The following WDFY4 variants were observed in gnomAD, a reference collection of about 807,000 sequenced individuals.
WDFY4 encodes the protein WD repeat- and FYVE domain-containing protein 4.
In WDFY4, 169 loss-of-function variants were observed where a neutral mutation model predicts 351.9. The observed-to-expected ratio is 0.48, with a 90% CI of 0.42 to 0.55. The LOEUF is 0.55. Ranked by LOEUF, WDFY4 falls within the 20% of genes least tolerant of loss-of-function variation. The pLI is 0.00. For missense variants in WDFY4, 3,803 were observed against 3,935.6 expected (o/e 0.97, Z 0.90); for synonymous variants, 1,622 against 1,574.6 (o/e 1.03, Z -0.71).
intron 39 of WDFY4, among the ~76,000 whole-genome samples, chr10:48,836,529 A>G (rs919562912): frequency 6.6e-6 from 1 of 152,246 alleles, no homozygotes; most frequent in African/African-American, 2.4e-5. Context: ...TGATAGCCCT[A>G]TAGCACTGAT....
At chr10:48,881,166 C>G (rs893922793) in intron 43 of WDFY4, among the ~76,000 whole-genome samples, 2 of 152,190 alleles carry the variant, frequency 1.3e-5, no homozygotes, top group African/African-American at 4.8e-5. Flanking sequence ...TGTTACTGCT[C>G]TGGCTGTTGC....
Position 48,914,837 on chromosome 10 carries a change from C to T in WDFY4, c.7586+12974C>T, listed in dbSNP as rs377754925. ...CAGGGTGTGCCATTGCTGGGCCCAG[C>T]AGCACCATAACTCCCCATCATGAGC... On this transcript the variant is annotated intron_variant, in intron 47 of 61. Transcript: ENST00000325239. 9.2e-5 allele frequency among the ~76,000 whole-genome samples: 14 copies of T among 152,314 alleles called. No individual in the cohort carries two copies. The East Asian group carries it at 9.6e-4, about 10-fold the overall frequency.
Position 48,743,297 on chromosome 10 carries a change from C to T in WDFY4, c.2208C>T (p.Asp736=), listed in dbSNP as rs1305971659. 7 of 1,551,704 alleles carry T rather than the reference C, an allele frequency of 4.5e-6. No individual in the cohort carries two copies. The highest frequency in any genetic ancestry group is 2.0e-5 in the Admixed American group (1 of 51,008). The change falls in exon 12 of 62, where the codon GAC becomes GAT. Residue 736 remains aspartate, a synonymous_variant. Transcript: ENST00000325239. ...GCAACCTGCTGCGCTCTTGGGTGGA[C>T]ACAAAGGCCAGGCCATTTGCAGATT... The part of the protein sequence containing the change: ...EEGNLLRSWV[D]TKARPFADLL...
intron 39 of WDFY4, among the ~76,000 whole-genome samples, chr10:48,855,054 CA>C (rs201390526): frequency 9.3e-5 from 14 of 151,246 alleles, no homozygotes; most frequent in African/African-American, 2.9e-4. Flanking sequence ...AAATTGCAAA[CA>C]AAAAAAATGA....
intron 46 of WDFY4, among the ~76,000 whole-genome samples, chr10:48,901,203 TCATGCGGTTCTTC>T (rs1837334358): frequency 6.6e-6 from 1 of 152,258 alleles, no homozygotes; most frequent in Non-Finnish European, 1.5e-5. Flanking sequence ...GTGAGCCTGC[TCATGCGGTTCTTC>T]CATGCTGCTG....
chr10:48,777,317 G>A (rs922179401), intron 16 of WDFY4, 102 bp from the exon 17 acceptor site: 18 of 1,127,354 alleles, frequency 1.6e-5, no homozygotes, highest in Middle Eastern at 5.4e-4. Flanking sequence ...TTACAGTGCC[G>A]GCAGGAGGGT....
intron 37 of WDFY4, 28 bp from the exon 38 acceptor site, chr10:48,830,672 T>G: frequency 6.5e-6 from 10 of 1,543,772 alleles, no homozygotes; most frequent in Non-Finnish European, 8.8e-6. Flanking sequence ...GAGGCCATCC[T>G]GAGTGTGCCA....
At chr10:48,754,537 A>T (rs549376994) in intron 12 of WDFY4, among the ~76,000 whole-genome samples, 2 of 151,480 alleles carry the variant, frequency 1.3e-5, no homozygotes, top group Non-Finnish European at 1.5e-5. Flanking sequence ...TTTTTTTCTC[A>T]ATAGCACTTA....
intron 47 of WDFY4, chr10:48,910,391 G>T: frequency 2.6e-6 from 2 of 767,432 alleles, no homozygotes; most frequent in Non-Finnish European, 2.3e-6. Flanking sequence ...GTGAATGGGG[G>T]TTTTGTTGTA....
At chr10:48,961,035 T>C (rs1363648865) in intron 53 of WDFY4, among the ~76,000 whole-genome samples, 4 of 152,246 alleles carry the variant, frequency 2.6e-5, no homozygotes, top group African/African-American at 7.2e-5. Flanking sequence ...ATAAAAACAC[T>C]TTGAACTGGG....
At chr10:48,955,260 A>G (rs1841530305) in intron 51 of WDFY4, among the ~76,000 whole-genome samples, 1 of 152,268 alleles carries the variant, frequency 6.6e-6, no homozygotes, top group Non-Finnish European at 1.5e-5. Context: ...AACCAAGAGC[A>G]AAGCGACCTT....
intron 51 of WDFY4, among the ~76,000 whole-genome samples, chr10:48,950,704 G>A (rs926020852): frequency 6.6e-6 from 1 of 152,250 alleles, no homozygotes; most frequent in Non-Finnish European, 1.5e-5. Flanking sequence ...AGAGGAAAGG[G>A]ACATGTGCCA....
intron 24 of WDFY4, chr10:48,802,875 T>A: frequency 2.1e-6 from 1 of 480,872 alleles, no homozygotes; most frequent in Admixed American, 2.3e-5. Context: ...GTGGAGACTG[T>A]CACTCAGCTG....
chr10:48,766,308 G>A (rs1415349446), intron 13 of WDFY4, among the ~76,000 whole-genome samples: 5 of 152,144 alleles, frequency 3.3e-5, no homozygotes, highest in Non-Finnish European at 7.4e-5. Context: ...AGAGCAAATA[G>A]GGCCAGTTAT....
Position 48,826,821 on chromosome 10 carries a change from C to T in WDFY4, c.6133C>T (p.His2045Tyr). Reference protein sequence around the residue: ...LLSILGFLQEHWDVVFATYNS... With the variant: ...LLSILGFLQEYWDVVFATYNS... Reference sequence around the variant, plus strand: ...CAGCATCCTGGGCTTTCTGCAGGAGCACTGGGATGTTGTCTTTGCCACCTA... The same window carrying T: ...CAGCATCCTGGGCTTTCTGCAGGAGTACTGGGATGTTGTCTTTGCCACCTA... The change falls in exon 36 of 62, where the codon CAC becomes TAC. Residue 2045 changes from histidine (H) to tyrosine (Y), a missense_variant. By Grantham distance (83) the His-to-Tyr change is moderately conservative. Around this residue, in one of 3 missense-constraint regions of WDFY4, gnomAD observed 3,054 missense variants for 3,148.6 expected, o/e 0.97. Coordinates refer to ENST00000325239, the MANE Select transcript of WDFY4 (RefSeq NM_001394531.1). The T allele has an allele frequency of 6.4e-7, 1 of 1,551,900 alleles. No individual in the cohort carries two copies. Among genetic ancestry groups the T allele is most frequent in the Non-Finnish European group, 8.7e-7 (1 of 1,147,024 alleles).
Position 48,727,484 on chromosome 10 carries a change from A to G in WDFY4, c.796A>G (p.Arg266Gly), listed in dbSNP as rs2064308259. Residue 266 changes from arginine (R) to glycine (G), a missense_variant, in exon 7 of 62, where the codon AGG (arginine) becomes GGG (glycine). Around this residue, in one of 3 missense-constraint regions of WDFY4, gnomAD observed 488 missense variants for 456.8 expected, o/e 1.07. Transcript: ENST00000325239. The part of the protein sequence containing the change: ...IQYLQATDCV[R>G]LSLQNLSRLT... ...CCCTCCTGCAGCCACAGACTGTGTC[A>G]GGCTCTCCCTCCAGAACCTCTCCAG... is the stretch of plus-strand genomic sequence containing the variant. The G allele has an allele frequency of 6.4e-7, 1 of 1,551,588 alleles. No individual in the cohort carries two copies. Among genetic ancestry groups the G allele is most frequent in the African/African-American group, 1.4e-5 (1 of 73,044 alleles).
At chr10:48,823,050 A>G (rs1360571242) in intron 35 of WDFY4, 1 of 1,023,568 alleles carries the variant, frequency 9.8e-7, no homozygotes, top group Admixed American at 2.8e-5. Flanking sequence ...ATAGTTACAT[A>G]CCTACCTGTA....
At chr10:48,812,923 C>T (rs1029911756) in intron 30 of WDFY4, among the ~76,000 whole-genome samples, 8 of 152,204 alleles carry the variant, frequency 5.3e-5, no homozygotes, top group African/African-American at 1.9e-4. Flanking sequence ...CATCGTCTGC[C>T]TGGTGGGAGT....
intron 47 of WDFY4, among the ~76,000 whole-genome samples, chr10:48,903,486 T>A (rs1322890961): frequency 6.6e-6 from 1 of 152,200 alleles, no homozygotes; most frequent in African/African-American, 2.4e-5. Context: ...ATCAGGAACA[T>A]GAAAGCAAAG....
Sources: allele counts gnomAD v4.1 joint callset (sites outside exome capture counted in the v4.1 genomes callset), GRCh38; gene constraint gnomAD v4.1.1; regional missense constraint gnomAD v4.1.1; transcripts MANE v1.5; gene names NCBI Gene and HGNC (gene_info 2026-07-23, HGNC 2026-07-21).